The following RBFOX1 variants were observed in gnomAD, a reference collection of about 807,000 sequenced individuals.
RBFOX1 encodes the protein RNA binding protein fox-1 homolog 1.
A neutral mutation model predicts 57.7 loss-of-function variants in RBFOX1; 8 were observed. That is an observed-to-expected ratio of 0.14 (90% CI 0.08 to 0.25). The LOEUF is 0.25. Among genes scored for constraint, RBFOX1 ranks in the 10% least tolerant of loss-of-function variants. The pLI is 1.00. For synonymous variants in RBFOX1, 326 were observed against 222.4 expected (o/e 1.47, Z -4.15); for missense variants, 611 against 548.5 (o/e 1.11, Z -1.14).
intron 2 of RBFOX1, among the ~76,000 whole-genome samples, chr16:6,579,202 T>C (rs2097495450): frequency 6.6e-6 from 1 of 152,120 alleles, no homozygotes; most frequent in South Asian, 2.1e-4. Flanking sequence ...TTCTTTTTTG[T>C]TATTGTTGTT....
chr16:7,391,460 A>G (rs1056979436), intron 4 of RBFOX1, among the ~76,000 whole-genome samples: 2 of 152,062 alleles, frequency 1.3e-5, no homozygotes, highest in Non-Finnish European at 2.9e-5. Flanking sequence ...CCACATCTGG[A>G]CTTCTTTCCT....
At chr16:6,719,115 C>G (rs997607667) in intron 3 of RBFOX1, among the ~76,000 whole-genome samples, 22 of 152,074 alleles carry the variant, frequency 1.4e-4, no homozygotes, top group African/African-American at 4.8e-4. Context: ...GATTTACTTG[C>G]CTTGATCTCC....
At chr16:5,341,792 A>G (rs746714492) in intron 1 of RBFOX1, among the ~76,000 whole-genome samples, 14 of 152,162 alleles carry the variant, frequency 9.2e-5, no homozygotes, top group Admixed American at 2.6e-4. Context: ...GAAGAGAAAC[A>G]CTTTATGGAA....
intron 4 of RBFOX1, among the ~76,000 whole-genome samples, chr16:7,483,001 T>C (rs976915133): frequency 2.6e-5 from 4 of 152,120 alleles, no homozygotes; most frequent in African/African-American, 7.2e-5. Context: ...GTCAGCTGAT[T>C]TTCCCAGGTC....
At chr16:6,676,130 ACACACACACGCG>A (rs925361797) in intron 3 of RBFOX1, among the ~76,000 whole-genome samples, 12 of 25,272 alleles carry the variant, frequency 4.7e-4, no homozygotes, top group African/African-American at 1.7e-3. Flanking sequence ...CCTAGGGGAC[ACACACACACGCG>A]CACACACACA....
chr16:5,411,158 A>G (rs955763641), intron 1 of RBFOX1, among the ~76,000 whole-genome samples: 2 of 152,216 alleles, frequency 1.3e-5, no homozygotes, highest in Non-Finnish European at 2.9e-5. Context: ...TGGTGGGAAG[A>G]AAAAAGGACC....
intron 1 of RBFOX1, among the ~76,000 whole-genome samples, chr16:6,125,549 A>G (rs1325591183): frequency 1.3e-5 from 2 of 152,326 alleles, no homozygotes; most frequent in Non-Finnish European, 2.9e-5. Flanking sequence ...TGAATGCCAT[A>G]TGCCTGGAGT....
At chr16:7,213,988 C>G (rs1356151770) in intron 4 of RBFOX1, among the ~76,000 whole-genome samples, 2 of 152,160 alleles carry the variant, frequency 1.3e-5, no homozygotes, top group African/African-American at 2.4e-5. Context: ...TTAATTTCCA[C>G]TGTCCTGATG....
intron 3 of RBFOX1, among the ~76,000 whole-genome samples, chr16:6,832,093 G>C (rs2092748210): frequency 6.6e-6 from 1 of 152,158 alleles, no homozygotes. Flanking sequence ...AAAACTGAAT[G>C]CTATTTATTA....
chr16:5,397,816 G>C (rs189759720), intron 1 of RBFOX1, among the ~76,000 whole-genome samples: 506 of 152,262 alleles, frequency 3.3e-3, no homozygotes, highest in Middle Eastern at 0.017. Context: ...TATTATGTTG[G>C]GGTGATAATG....
chr16:7,453,095 C>G (rs1809719889), intron 4 of RBFOX1, among the ~76,000 whole-genome samples: 1 of 147,562 alleles, frequency 6.8e-6, no homozygotes, highest in Non-Finnish European at 1.5e-5. Flanking sequence ...CACCACTGCA[C>G]TCCAGGCTGG....
intron 2 of RBFOX1, among the ~76,000 whole-genome samples, chr16:6,496,377 C>G (rs1049227613): frequency 1.3e-5 from 2 of 152,188 alleles, no homozygotes; most frequent in Admixed American, 1.3e-4. Flanking sequence ...TGGGAACCTG[C>G]TTTGCGGCAG....
At chr16:7,210,580 C>G (rs946630963) in intron 4 of RBFOX1, among the ~76,000 whole-genome samples, 2 of 151,796 alleles carry the variant, frequency 1.3e-5, no homozygotes, top group Admixed American at 1.3e-4. Flanking sequence ...CAGGTTGACA[C>G]TTAAGACTGA....
chr16:5,597,395 C>T (rs956280791), intron 2 of RBFOX1, among the ~76,000 whole-genome samples: 14 of 114,368 alleles, frequency 1.2e-4, no homozygotes, highest in African/African-American at 4.4e-4. Flanking sequence ...AGCTTGCTGA[C>T]TTTTTTTTTT....
intron 2 of RBFOX1, among the ~76,000 whole-genome samples, chr16:6,526,765 G>A (rs973688963): frequency 7.4e-6 from 1 of 136,030 alleles, no homozygotes; most frequent in Non-Finnish European, 1.5e-5. Context: ...GGGAGGCAGA[G>A]CTTGCAGCGA....
chr16:5,934,232 C>T (rs1045743985), intron 4 of RBFOX1, among the ~76,000 whole-genome samples: 1 of 152,208 alleles, frequency 6.6e-6, no homozygotes, highest in Non-Finnish European at 1.5e-5. Context: ...CAGATTGGTG[C>T]AAACACAGCT....
intron 2 of RBFOX1, among the ~76,000 whole-genome samples, chr16:6,623,282 G>C (rs757163378): frequency 5.9e-5 from 9 of 152,110 alleles, no homozygotes; most frequent in Non-Finnish European, 1.2e-4. Context: ...AATTTGAAAG[G>C]TGCAGTTGGG....
At chr16:5,306,386 C>G (rs1596468863) in intron 1 of RBFOX1, among the ~76,000 whole-genome samples, 1 of 150,268 alleles carries the variant, frequency 6.7e-6, no homozygotes, top group African/African-American at 2.5e-5. Flanking sequence ...GTGGCATGAT[C>G]TTGACCCACT....
intron 3 of RBFOX1, among the ~76,000 whole-genome samples, chr16:6,853,990 A>C (rs1430856739): frequency 6.6e-6 from 1 of 152,170 alleles, no homozygotes; most frequent in Non-Finnish European, 1.5e-5. Context: ...ATGAGCTATT[A>C]GTCTGCAGGC....
Sources: allele counts gnomAD v4.1 joint callset (sites outside exome capture counted in the v4.1 genomes callset), GRCh38; gene constraint gnomAD v4.1.1; transcripts MANE v1.5; gene names NCBI Gene and HGNC (gene_info 2026-07-23, HGNC 2026-07-21).